The following WDR27 variants were observed in gnomAD, a reference collection of about 807,000 sequenced individuals.
WDR27 encodes WD repeat domain 27, also known as WD repeat-containing protein 27.
WDR27 carries 100 observed loss-of-function variants against 114.4 expected under a neutral mutation model. That is an observed-to-expected ratio of 0.87 (90% confidence interval 0.74 to 1.03). The LOEUF (loss-of-function observed/expected upper bound fraction) is 1.03. Ranked by LOEUF, WDR27 falls within the 50% of genes least tolerant of loss-of-function variation. The pLI, the probability that WDR27 is intolerant of heterozygous loss-of-function variation, is 0.00. For synonymous variants in WDR27, 449 were observed against 423.1 expected (o/e 1.06, Z -0.75); for missense variants, 1,129 against 1,092.9 (o/e 1.03, Z -0.47).
chr6:169,442,142 G>T, the WDR27 span, among the ~76,000 whole-genome samples: 361 of 152,336 alleles, frequency 2.4e-3, 3 homozygotes, highest in African/African-American at 7.9e-3. Context: ...CACTCAGACA[G>T]CAAGAATTAA....
At chr6:169,649,908 A>C in intron 14 of WDR27, among the ~76,000 whole-genome samples, 1 of 123,872 alleles carries the variant, frequency 8.1e-6, no homozygotes, top group African/African-American at 3.2e-5. Flanking sequence ...CATCCCCTTC[A>C]TCCAGCCACC....
intron 25 of WDR27, among the ~76,000 whole-genome samples, chr6:169,501,431 T>G (rs1791220549): frequency 6.6e-6 from 1 of 152,178 alleles, no homozygotes; most frequent in African/African-American, 2.4e-5. Context: ...GCTCCCAACC[T>G]CACAGAGAGA....
At chr6:169,539,820 A>T (rs912635020) in intron 25 of WDR27, among the ~76,000 whole-genome samples, 2 of 152,132 alleles carry the variant, frequency 1.3e-5, no homozygotes, top group Admixed American at 6.5e-5. Context: ...AAACACAATA[A>T]CCCCTGTGGA....
chr6:169,584,337 T>C (rs984260298), intron 23 of WDR27, among the ~76,000 whole-genome samples: 1 of 152,192 alleles, frequency 6.6e-6, no homozygotes, highest in South Asian at 2.1e-4. Context: ...GATGAGCTTT[T>C]AGGTTGTTTC....
At chr6:169,640,038 G>A (rs1203216693) in intron 17 of WDR27, among the ~76,000 whole-genome samples, 2 of 152,160 alleles carry the variant, frequency 1.3e-5, no homozygotes, top group Non-Finnish European at 2.9e-5. Flanking sequence ...TCTGACCCCT[G>A]AGCACCCGGG....
At position 169,632,993 on chromosome 6, in the gene WDR27, AT is replaced by A; in HGVS notation, c.2176del (p.Ile726Ter). ...GACAGGCCGTGAGTGGGCTTCCGCT[AT>A]CACCGCTGCACTGCAGCCGGCGTTG... ...DLNAGCSAAV[I>X]AEAHSRPVHQ... is the part of the protein sequence containing the mutation. On this transcript the variant is annotated frameshift_variant, in exon 21 of 26. Transcript: ENST00000448612. LOFTEE classifies it high-confidence loss of function. 1.3e-6 allele frequency: 2 copies of A among 1,597,598 alleles called. No individual in the cohort carries two copies. The highest frequency in any genetic ancestry group is 1.7e-5 in the Admixed American group (1 of 59,802).
chr6:169,465,960 GTGA>G (rs1486204958), intron 25 of WDR27, among the ~76,000 whole-genome samples: 1 of 152,192 alleles, frequency 6.6e-6, no homozygotes, highest in African/African-American at 2.4e-5. Context: ...ACTGTAGAAT[GTGA>G]TGAATATATT....
At chr6:169,699,536 A>G (rs919565438) in intron 1 of WDR27, among the ~76,000 whole-genome samples, 1 of 152,196 alleles carries the variant, frequency 6.6e-6, no homozygotes, top group Non-Finnish European at 1.5e-5. Flanking sequence ...CAAGCAAAGA[A>G]CAGAGTAAGG....
intron 15 of WDR27, among the ~76,000 whole-genome samples, chr6:169,648,134 A>G (rs1821271862): frequency 6.6e-6 from 1 of 152,236 alleles, no homozygotes; most frequent in Admixed American, 6.5e-5. Flanking sequence ...TGTGTTTCAT[A>G]TAAACTCATG....
chr6:169,593,715 G>C (rs1439190776), intron 23 of WDR27, among the ~76,000 whole-genome samples: 1 of 152,100 alleles, frequency 6.6e-6, no homozygotes, highest in African/African-American at 2.4e-5. Context: ...TGGGCGTGGT[G>C]GCGGGCGCCT....
At chr6:169,445,130 C>A in the WDR27 span, among the ~76,000 whole-genome samples, 1 of 152,188 alleles carries the variant, frequency 6.6e-6, no homozygotes, top group Non-Finnish European at 1.5e-5. Context: ...GTAAAAATAC[C>A]AAACTCACTG....
At chr6:169,634,688 T>A (rs1817239269) in intron 19 of WDR27, among the ~76,000 whole-genome samples, 163 bp from the exon 20 acceptor site, 1 of 152,194 alleles carries the variant, frequency 6.6e-6, no homozygotes, top group African/African-American at 2.4e-5. Flanking sequence ...CCTTAATTTT[T>A]CTTTAGGAAA....
At chr6:169,611,736 G>C (rs932881782) in intron 22 of WDR27, among the ~76,000 whole-genome samples, 4 of 152,154 alleles carry the variant, frequency 2.6e-5, no homozygotes, top group Admixed American at 2.6e-4. Context: ...GCCTAGGCCT[G>C]CATGGAGTCG....
rs140704745 is a variant in WDR27, at chr6:169,551,876, C to T, written c.2645+20543G>A. On this transcript the variant is annotated intron_variant, in intron 25 of 25. Coordinates refer to ENST00000448612, the MANE Select transcript of WDR27 (RefSeq NM_182552.5). ...GCAACTCCGCTGCTGCTATTCTGAACGCAGTCACAGTCGACACTTACATGA... is the reference window on the plus strand; with the variant it reads ...GCAACTCCGCTGCTGCTATTCTGAATGCAGTCACAGTCGACACTTACATGA... 4.9e-3 allele frequency among the ~76,000 whole-genome samples: 740 copies of T among 152,234 alleles called. 14 individuals carry two copies. The highest frequency in any genetic ancestry group is 0.017 in the African/African-American group (713 of 41,544).
intron 25 of WDR27, among the ~76,000 whole-genome samples, chr6:169,551,650 T>C (rs750034164): frequency 1.4e-5 from 2 of 144,936 alleles, no homozygotes; most frequent in Non-Finnish European, 3.0e-5. Context: ...GGCAGGAGAA[T>C]CACTTGAACC....
downstream of WDR27, among the ~76,000 whole-genome samples, chr6:169,456,846 C>G (rs903824171): frequency 6.6e-6 from 1 of 151,438 alleles, no homozygotes; most frequent in South Asian, 2.1e-4. The surrounding 1 kb of genome is among the most constrained non-coding windows in gnomAD (Gnocchi z 4.0). Flanking sequence ...GGACACAGCC[C>G]ATGCTCACGA....
chr6:169,551,833 C>T (rs202224342), intron 25 of WDR27, among the ~76,000 whole-genome samples: 3 of 152,044 alleles, frequency 2.0e-5, no homozygotes, highest in East Asian at 1.9e-4. Flanking sequence ...AAGGCCAGGT[C>T]GCTTGCGTCA....
chr6:169,633,127 T>A, intron 20 of WDR27, 59 bp from the exon 21 acceptor site: 1 of 1,495,884 alleles, frequency 6.7e-7, no homozygotes. Flanking sequence ...GAAGGGACAG[T>A]TCCCTCTCTT....
chr6:169,694,330 A>C (rs1585216010), intron 1 of WDR27, among the ~76,000 whole-genome samples: 1 of 152,166 alleles, frequency 6.6e-6, no homozygotes, highest in Non-Finnish European at 1.5e-5. Context: ...AAATAAATAA[A>C]TAAGTCATCA....
Sources: allele counts gnomAD v4.1 joint callset (sites outside exome capture counted in the v4.1 genomes callset), GRCh38; gene constraint gnomAD v4.1.1; non-coding constraint Gnocchi (gnomAD v3.1); transcripts MANE v1.5; gene names NCBI Gene and HGNC (gene_info 2026-07-23, HGNC 2026-07-21).